Variants in ISG20 observed in about 807,000 individuals in gnomAD.
ISG20 encodes the protein interferon-stimulated gene 20 kDa protein.
In ISG20, 8 loss-of-function variants were observed where a neutral mutation model predicts 11.1. The observed-to-expected ratio is 0.72, with a 90% CI of 0.42 to 1.30. ISG20 has a LOEUF of 1.30. ISG20 is among the 50% of genes most tolerant of loss of function. The pLI, the probability that ISG20 is intolerant of heterozygous loss-of-function variation, is 0.01. For missense variants in ISG20, 243 were observed against 250.2 expected (o/e 0.97, Z 0.19); for synonymous variants, 110 against 101.7 (o/e 1.08, Z -0.49).
upstream of ISG20, among the ~76,000 whole-genome samples, chr15:88,635,968 C>T (rs114268479): frequency 1.2e-3 from 189 of 152,310 alleles, no homozygotes; most frequent in African/African-American, 4.5e-3. Context: ...CAAGGGCCAA[C>T]CACAATTTAG....
At position 88,650,155 on chromosome 15, in the gene ISG20, C is replaced by T. The variant is rs990987911; in HGVS notation, c.229-1955C>T. On this transcript the variant is annotated intron_variant, in intron 2 of 3. Coordinates refer to ENST00000306072, the MANE Select transcript of ISG20 (RefSeq NM_002201.6). The surrounding 1 kb of genome is among the most constrained non-coding windows in gnomAD (Gnocchi z 4.0). ...TGCAGAGAAGGAGACGAAGGCTGTCCTAGAGCTGTCCAAAGTGGGCCTGGA... is the reference window on the plus strand; with the variant it reads ...TGCAGAGAAGGAGACGAAGGCTGTCTTAGAGCTGTCCAAAGTGGGCCTGGA... 2 of 1,191,204 alleles carry T rather than the reference C, an allele frequency of 1.7e-6. No homozygotes were observed. Among genetic ancestry groups the T allele is most frequent in the South Asian group, 1.3e-5 (1 of 76,916 alleles). 73.8% of individuals were successfully genotyped at this position (1,191,204 alleles called of 1,614,324 possible).
chr15:88,650,089 A>C lies in ISG20; in HGVS notation c.229-2021A>C. ...CTACGGGGAAGGTGTTAGGCACCAG[A>C]AGGCTCTTTCCTGGTGTACAGGCTA... On this transcript the variant is annotated intron_variant, in intron 2 of 3. Coordinates refer to ENST00000306072, the MANE Select transcript of ISG20 (RefSeq NM_002201.6). The surrounding 1 kb of genome is among the most constrained non-coding windows in gnomAD (Gnocchi z 4.0). 1 of 669,686 alleles carries C rather than the reference A, an allele frequency of 1.5e-6. No individual in the cohort carries two copies. Among genetic ancestry groups the C allele is most frequent in the African/African-American group, 1.8e-5 (1 of 56,280 alleles). 41.5% of individuals were successfully genotyped at this position (669,686 alleles called of 1,614,324 possible).
rs140178121 is a variant in ISG20, at chr15:88,641,926, C to CTTTT, written c.228+2356_228+2359dup. On this transcript the variant is annotated intron_variant, in intron 2 of 3. Transcript: ENST00000306072. ...AGCCACTGCACCTGGTTAGCTTCCT[C>CTTTT]TTTTTTTTTTTTTTTTTTTTTTTTT... 8.5e-4 allele frequency among the ~76,000 whole-genome samples: 87 copies of CTTTT among 102,844 alleles called. 6 individuals are homozygous for CTTTT. The highest frequency in any genetic ancestry group is 2.0e-3 in the African/African-American group (57 of 28,152). The allele number at this position is 102,844 out of a possible 152,430, so 67.5% of individuals were successfully genotyped here. A position where few individuals can be genotyped will look rare whatever the true frequency, so the allele number is the denominator to read the frequency against.
At position 88,655,293 on chromosome 15, in the gene ISG20, G is replaced by C. The variant is rs2058355269; in HGVS notation, c.430-122G>C. 1.3e-5 allele frequency: 11 copies of C among 832,056 alleles called. No individual in the cohort carries two copies. In the Admixed American group the frequency reaches 1.8e-4, roughly 14 times the overall value. The allele number at this position is 832,056 out of a possible 1,614,324, so 51.5% of individuals were successfully genotyped here. On this transcript the variant is annotated intron_variant, in intron 3 of 3. Transcript: ENST00000306072. The stretch of plus-strand genomic sequence containing the variant: ...GTCCAGAGTGTCAGAGACCTCAAGA[G>C]ACTCTCACCCACTGACCCACCTGGG...
Position 88,644,980 on chromosome 15 carries a change from C to T in ISG20, c.228+5386C>T, listed in dbSNP as rs141892515. 5.0e-3 allele frequency among the ~76,000 whole-genome samples: 755 copies of T among 152,312 alleles called. 10 individuals carry two copies. Among genetic ancestry groups the T allele is most frequent in the African/African-American group, 0.017 (723 of 41,558 alleles). ...TTGAGCATTGGCCTCGGGGCCTGGA[C>T]GCCTCAGTCTTCATCCACATTTGGT... On this transcript the variant is annotated intron_variant, in intron 2 of 3. Coordinates refer to ENST00000306072, the MANE Select transcript of ISG20 (RefSeq NM_002201.6).
Position 88,639,191 on chromosome 15 carries a change from A to T in ISG20, c.-25+115A>T, listed in dbSNP as rs563122212. 1.7e-6 allele frequency: 1 copy of T among 605,956 alleles called. No homozygotes were observed. The highest frequency in any genetic ancestry group is 1.9e-5 in the African/African-American group (1 of 53,882). The allele number at this position is 605,956 out of a possible 1,614,324, so 37.5% of individuals were successfully genotyped here. ...ACACACGGGCAGGGTAAGGCAGGGGATGGGGGAGGCAAGAGGCCAGCTTCC... is the reference window on the plus strand; with the variant it reads ...ACACACGGGCAGGGTAAGGCAGGGGTTGGGGGAGGCAAGAGGCCAGCTTCC... On this transcript the variant is annotated intron_variant, in intron 1 of 3. Coordinates refer to ENST00000306072, the MANE Select transcript of ISG20 (RefSeq NM_002201.6). The surrounding 1 kb of genome is among the most constrained non-coding windows in gnomAD (Gnocchi z 4.2).
At chr15:88,644,437 C>G (rs140646877) in intron 2 of ISG20, among the ~76,000 whole-genome samples, 2 of 149,216 alleles carry the variant, frequency 1.3e-5, no homozygotes. Context: ...GAGGCTGAGG[C>G]AGGAGAATTG....
chr15:88,645,620 T>C (rs572069577), intron 2 of ISG20, among the ~76,000 whole-genome samples: 31 of 152,234 alleles, frequency 2.0e-4, no homozygotes, highest in South Asian at 4.1e-4. Context: ...TCTATCTGCC[T>C]TTCTTGCTTT....
Position 88,643,941 on chromosome 15 carries a change from T to C in ISG20, c.228+4347T>C, listed in dbSNP as rs2058125020. Among the ~76,000 whole-genome samples, 1 of 152,208 alleles carries C rather than the reference T, an allele frequency of 6.6e-6. No homozygotes were observed. Among genetic ancestry groups the C allele is most frequent in the Non-Finnish European group, 1.5e-5 (1 of 68,042 alleles). Reference sequence around the variant, plus strand: ...CAATGAGCATTTCCTTTGAGCGTCATGTTGGCACTCAGAAAGTTTAGGATT... The same window carrying C: ...CAATGAGCATTTCCTTTGAGCGTCACGTTGGCACTCAGAAAGTTTAGGATT... On this transcript the variant is annotated intron_variant, in intron 2 of 3. Coordinates refer to ENST00000306072, the MANE Select transcript of ISG20 (RefSeq NM_002201.6). The surrounding 1 kb of genome is among the most constrained non-coding windows in gnomAD (Gnocchi z 4.4).
At position 88,655,394 on chromosome 15, in the gene ISG20, AC is replaced by A. The variant is rs748839734; in HGVS notation, c.430-20del. The A allele has an allele frequency of 6.2e-6, 10 of 1,607,888 alleles. No individual in the cohort carries two copies. Among genetic ancestry groups the A allele is most frequent in the Non-Finnish European group, 8.5e-6 (10 of 1,174,870 alleles). ...GAATTCAGCCTCATCCCAAGTCCCCACTCTATACTTGTGTCTGCAGAACAGC... is the reference window on the plus strand; with the variant it reads ...GAATTCAGCCTCATCCCAAGTCCCCATCTATACTTGTGTCTGCAGAACAGC... On this transcript the variant is annotated intron_variant, in intron 3 of 3. Transcript: ENST00000306072.
upstream of ISG20, among the ~76,000 whole-genome samples, chr15:88,637,649 TG>T (rs2058006663): frequency 2.0e-5 from 3 of 152,208 alleles, no homozygotes; most frequent in East Asian, 1.9e-4. Context: ...GGATGTGTTC[TG>T]ACTGAGACCC....
chr15:88,652,075 G>GTCA, intron 2 of ISG20, 35 bp from the exon 3 acceptor site: 1 of 1,613,426 alleles, frequency 6.2e-7, no homozygotes, highest in Non-Finnish European at 8.5e-7. Context: ...AAGATGCTGG[G>GTCA]TCATGTAGGG....
intron 3 of ISG20, 116 bp from the exon 4 acceptor site, chr15:88,655,299 C>A (rs1241678859): frequency 2.2e-6 from 2 of 891,908 alleles, no homozygotes; most frequent in African/African-American, 1.7e-5. Context: ...AAGAGACTCT[C>A]ACCCACTGAC....
chr15:88,641,278 C>T (rs2058076427), intron 2 of ISG20, among the ~76,000 whole-genome samples: 1 of 152,196 alleles, frequency 6.6e-6, no homozygotes, highest in African/African-American at 2.4e-5. Flanking sequence ...AGGCATGAGC[C>T]ACCGCATCTG....
chr15:88,641,531 C>T (rs999289881), intron 2 of ISG20, among the ~76,000 whole-genome samples: 2 of 152,186 alleles, frequency 1.3e-5, no homozygotes, highest in Non-Finnish European at 2.9e-5. Flanking sequence ...GGGTTGTTGT[C>T]AAAGCTTTGG....
chr15:88,644,419 C>T (rs1356673032), intron 2 of ISG20, among the ~76,000 whole-genome samples: 1 of 151,466 alleles, frequency 6.6e-6, no homozygotes, highest in African/African-American at 2.4e-5. Context: ...TGTAATGTAG[C>T]TACTTGGGAG....
chr15:88,650,552 CA>C lies in ISG20; in HGVS notation c.229-1556del. ...CAAAACTTACCGGTTCAAACAATGT[CA>C]ATACTTATTTCGCTCGGCCACCTGC... On this transcript the variant is annotated intron_variant, in intron 2 of 3. Coordinates refer to ENST00000306072, the MANE Select transcript of ISG20 (RefSeq NM_002201.6). This position sits in a 1 kb window ranked among gnomAD's most constrained non-coding sequence, Gnocchi z 4.0. 1 of 1,087,318 alleles carries C rather than the reference CA, an allele frequency of 9.2e-7. No homozygotes were observed. The highest frequency in any genetic ancestry group is 1.6e-5 in the African/African-American group (1 of 62,272). The allele number at this position is 1,087,318 out of a possible 1,614,324, so 67.4% of individuals were successfully genotyped here.
At position 88,639,052 on chromosome 15, in the gene ISG20, G is replaced by A; in HGVS notation, c.-49G>A. The stretch of plus-strand genomic sequence containing the variant: ...GCAGTGGCAGCAGAGAGGCAGACGT[G>A]AGCTGAGGGCGCAGAGGCAGGCAGG... On this transcript the variant is annotated 5_prime_UTR_variant, in exon 1 of 4. Transcript: ENST00000306072. The surrounding 1 kb of genome is among the most constrained non-coding windows in gnomAD (Gnocchi z 4.2). 1 of 475,396 alleles carries A rather than the reference G, an allele frequency of 2.1e-6. No individual in the cohort carries two copies. Among genetic ancestry groups the A allele is most frequent in the Non-Finnish European group, 3.8e-6 (1 of 264,418 alleles). 29.4% of individuals were successfully genotyped at this position (475,396 alleles called of 1,614,324 possible).
intron 3 of ISG20, among the ~76,000 whole-genome samples, chr15:88,654,584 C>G (rs1050081303): frequency 6.6e-6 from 1 of 152,046 alleles, no homozygotes; most frequent in African/African-American, 2.4e-5. Flanking sequence ...GCGGGGCATG[C>G]GAAGGGAGAT....
Sources: gnomAD v4.1 joint callset for allele counts (sites outside exome capture counted in the v4.1 genomes callset) on GRCh38, gnomAD v4.1.1 for gene constraint, Gnocchi (gnomAD v3.1) non-coding constraint, MANE v1.5 for transcripts, NCBI Gene and HGNC (gene_info 2026-07-23, HGNC 2026-07-21) for gene names.